PAH: variants seen among roughly 807,000 people sequenced by gnomAD.
The protein encoded by PAH is phenylalanine hydroxylase.
PAH carries 64 observed loss-of-function variants against 62.0 expected under a neutral mutation model. The observed-to-expected ratio is 1.03, with a 90% CI of 0.84 to 1.27. The LOEUF (loss-of-function observed/expected upper bound fraction) is 1.27, where lower values mean the gene tolerates loss of function less well. Among genes scored for constraint, PAH ranks in the 50% most tolerant of loss-of-function variants. The probability of loss-of-function intolerance (pLI) is 0.00; values close to 1 mark genes in which losing one functional copy is unlikely to be tolerated. For missense variants in PAH, 579 were observed against 542.8 expected, an observed-to-expected ratio of 1.07 and a Z score of -0.66; for synonymous variants, 195 against 196.2, an observed-to-expected ratio of 0.99 and a Z score of 0.05.
intron 3 of PAH, among the ~76,000 whole-genome samples, chr12:102,884,454 T>C (rs1403846072): frequency 6.6e-6 from 1 of 152,222 alleles, no homozygotes; most frequent in East Asian, 1.9e-4. Flanking sequence ...CATCCTGGGT[T>C]TGAAGCCAGC....
At chr12:102,937,502 A>C (rs1466434076) in intron 1 of PAH, among the ~76,000 whole-genome samples, 1 of 152,164 alleles carries the variant, frequency 6.6e-6, no homozygotes, top group Non-Finnish European at 1.5e-5. Context: ...ATGACAACTT[A>C]ACGCTGATTG....
intron 4 of PAH, among the ~76,000 whole-genome samples, chr12:102,872,124 G>A (rs1198927701): frequency 6.6e-6 from 1 of 151,788 alleles, no homozygotes. Flanking sequence ...AGTAGATGCT[G>A]GCTTTTTAGA....
At chr12:102,938,148 G>C (rs138674757) in intron 1 of PAH, among the ~76,000 whole-genome samples, 13 of 152,228 alleles carry the variant, frequency 8.5e-5, no homozygotes, top group African/African-American at 2.7e-4. Context: ...AGAGCAGAGA[G>C]GAATGAGGCA....
intron 5 of PAH, among the ~76,000 whole-genome samples, chr12:102,855,860 C>T (rs1225807065): frequency 2.0e-5 from 3 of 152,202 alleles, no homozygotes; most frequent in East Asian, 1.9e-4. Flanking sequence ...CTGAGATCCC[C>T]TTTGTTTGGT....
chr12:102,847,973 G>T (rs1015170097), intron 8 of PAH, among the ~76,000 whole-genome samples: 2 of 152,218 alleles, frequency 1.3e-5, no homozygotes, highest in Non-Finnish European at 2.9e-5. Flanking sequence ...GCAGTGGCAG[G>T]TGATATCAAA....
intron 4 of PAH, among the ~76,000 whole-genome samples, chr12:102,869,332 A>C (rs537196999): frequency 6.6e-6 from 1 of 152,326 alleles, no homozygotes; most frequent in South Asian, 2.1e-4. Flanking sequence ...CAATTATGTC[A>C]GAGGAAATAT....
At chr12:102,899,074 G>A (rs1298037744) in intron 2 of PAH, among the ~76,000 whole-genome samples, 1 of 152,196 alleles carries the variant, frequency 6.6e-6, no homozygotes, top group Non-Finnish European at 1.5e-5. Context: ...CTGGCAAACA[G>A]AGATTACTTG....
intron 5 of PAH, among the ~76,000 whole-genome samples, chr12:102,856,928 C>G (rs1314830123): frequency 1.3e-5 from 2 of 152,216 alleles, no homozygotes; most frequent in African/African-American, 2.4e-5. Context: ...CAGAGCACCT[C>G]TCCCCGTCCA....
At chr12:102,849,480 T>C (rs961345692) in intron 8 of PAH, among the ~76,000 whole-genome samples, 70 of 152,292 alleles carry the variant, frequency 4.6e-4, no homozygotes, top group African/African-American at 1.6e-3. Context: ...TTTAAAGCCA[T>C]GAAATTGAGT....
intron 1 of PAH, among the ~76,000 whole-genome samples, chr12:102,935,379 GT>G (rs1333569247): frequency 1.3e-5 from 2 of 152,000 alleles, no homozygotes; most frequent in African/African-American, 4.8e-5. Context: ...TTTTTATCTG[GT>G]TTTGGTATCA....
At chr12:102,942,924 T>C (rs779256164) in intron 1 of PAH, among the ~76,000 whole-genome samples, 3 of 151,916 alleles carry the variant, frequency 2.0e-5, no homozygotes, top group South Asian at 4.1e-4. Flanking sequence ...CTCAAGATGA[T>C]TAAAAGACCT....
intron 2 of PAH, among the ~76,000 whole-genome samples, chr12:102,905,009 C>T (rs1877919292): frequency 6.6e-6 from 1 of 152,176 alleles, no homozygotes; most frequent in Non-Finnish European, 1.5e-5. Context: ...AGTCTTCCAA[C>T]ATCTTTCTCA....
At chr12:102,917,347 C>T (rs1592991437), upstream of PAH, 1 of 598,558 alleles carries the variant, frequency 1.7e-6, no homozygotes. Context: ...TGCTCCAGGT[C>T]ACCTGCCCAG....
chr12:102,867,036 A>G (rs1876009589), intron 4 of PAH, among the ~76,000 whole-genome samples: 1 of 152,224 alleles, frequency 6.6e-6, no homozygotes, highest in African/African-American at 2.4e-5. Flanking sequence ...GTTTGTGTCT[A>G]GCTCTACCTT....
At chr12:102,916,167 T>A (rs67549392) in intron 1 of PAH, among the ~76,000 whole-genome samples, 53,385 of 151,586 alleles carry the variant, frequency 0.35, 10,005 homozygotes, top group African/African-American at 0.46. Context: ...AGGATTCAAA[T>A]AAAAATCAGT....
intron 5 of PAH, among the ~76,000 whole-genome samples, chr12:102,860,954 C>G (rs1315541277): frequency 6.6e-6 from 1 of 152,110 alleles, no homozygotes; most frequent in Non-Finnish European, 1.5e-5. Context: ...ACACCAAAAG[C>G]AATGGCAACA....
chr12:102,861,966 T>TATAA (rs1875744009), intron 5 of PAH, among the ~76,000 whole-genome samples: 1 of 128,472 alleles, frequency 7.8e-6, no homozygotes, highest in African/African-American at 2.7e-5. Flanking sequence ...ACTTAAAGTA[T>TATAA]AAAAAAAAAA....
At position 102,838,362 on chromosome 12, in the gene PAH, A is replaced by AT. The variant is rs1874450111; in HGVS notation, c.*812dup. The AT allele has an allele frequency of 6.6e-6, 1 of 152,244 alleles. No individual in the cohort carries two copies. Among genetic ancestry groups the AT allele is most frequent in the African/African-American group, 2.4e-5 (1 of 41,462 alleles). 9.4% of individuals were successfully genotyped at this position (152,244 alleles called of 1,614,324 possible). A position where few individuals can be genotyped will look rare whatever the true frequency, so the allele number is the denominator to read the frequency against. ...TGTTTTATTACTAATACAAATAAAA[A>AT]TTTCACATTTATACAGATTTGCTTT... On this transcript the variant is annotated 3_prime_UTR_variant, in exon 13 of 13. Transcript: ENST00000553106.
upstream of PAH, among the ~76,000 whole-genome samples, chr12:102,951,914 G>C (rs560060961): frequency 1.3e-5 from 2 of 151,784 alleles, no homozygotes; most frequent in South Asian, 4.2e-4. Flanking sequence ...TGGCTTCTCC[G>C]GCTGATGTGC....
Sources: allele counts gnomAD v4.1 joint callset (sites outside exome capture counted in the v4.1 genomes callset), GRCh38; gene constraint gnomAD v4.1.1; transcripts MANE v1.5; gene names NCBI Gene and HGNC (gene_info 2026-07-23, HGNC 2026-07-21).